Variants in MAP2K5 observed in about 807,000 individuals in gnomAD.
The protein encoded by MAP2K5 is dual specificity mitogen-activated protein kinase kinase 5.
MAP2K5 carries 49 observed loss-of-function variants against 83.1 expected under a neutral mutation model. The ratio of observed to expected loss-of-function variants is 0.59; its 90% confidence interval spans 0.47 to 0.75. The LOEUF is 0.75. Ranked by LOEUF, MAP2K5 falls within the 30% of genes least tolerant of loss-of-function variation. The pLI, the probability that MAP2K5 is intolerant of heterozygous loss-of-function variation, is 0.00. For missense variants in MAP2K5, 457 were observed against 557.5 expected, an observed-to-expected ratio of 0.82 and a Z score of 1.82; for synonymous variants, 202 against 191.8, an observed-to-expected ratio of 1.05 and a Z score of -0.44.
At position 67,717,444 on chromosome 15, in the gene MAP2K5, T is replaced by C. The variant is rs2088853611; in HGVS notation, c.1045-10472T>C. Among the ~76,000 whole-genome samples, 1 of 152,238 alleles carries C rather than the reference T, an allele frequency of 6.6e-6. No individual in the cohort carries two copies. The highest frequency in any genetic ancestry group is 1.5e-5 in the Non-Finnish European group (1 of 68,040). On this transcript the variant is annotated intron_variant, in intron 16 of 21. Transcript: ENST00000178640. This position sits in a 1 kb window ranked among gnomAD's most constrained non-coding sequence, Gnocchi z 4.1. ...TACATACTTTGCCCTCAGTGACTCC[T>C]TGACTAATAGGTAGAAAGAAAAGTA...
At chr15:67,581,293 T>C (rs2085175810) in intron 4 of MAP2K5, among the ~76,000 whole-genome samples, 1 of 152,242 alleles carries the variant, frequency 6.6e-6, no homozygotes, top group African/African-American at 2.4e-5. Context: ...TTCTAAATAA[T>C]TGAAATTCTT....
At chr15:67,654,754 G>A (rs188010712) in intron 11 of MAP2K5, among the ~76,000 whole-genome samples, 96 of 152,168 alleles carry the variant, frequency 6.3e-4, no homozygotes, top group African/African-American at 2.2e-3. Context: ...GATTAACACT[G>A]ACTTTATTTT....
At chr15:67,576,836 T>C (rs2085073250) in intron 3 of MAP2K5, among the ~76,000 whole-genome samples, 1 of 147,522 alleles carries the variant, frequency 6.8e-6, no homozygotes, top group Non-Finnish European at 1.5e-5. Context: ...TTTAAATTTC[T>C]TAACTAATAA....
In MAP2K5 at chr15:67,785,134, G is replaced by A. The variant is rs570540351; in HGVS notation, c.1242+12382G>A. 5.1e-4 allele frequency among the ~76,000 whole-genome samples: 78 copies of A among 152,154 alleles called. No homozygotes were observed. Among genetic ancestry groups the A allele is most frequent in the Non-Finnish European group, 8.8e-4 (60 of 68,000 alleles). ...TAATTTTTGTATTTTCAGTAGAGAC[G>A]GGGTTTCCCCATGTTGCCCAGGCTG... On this transcript the variant is annotated intron_variant, in intron 21 of 21. Coordinates refer to ENST00000178640, the MANE Select transcript of MAP2K5 (RefSeq NM_145160.3). The surrounding 1 kb of genome is among the most constrained non-coding windows in gnomAD (Gnocchi z 4.4).
intron 12 of MAP2K5, 81 bp from the exon 13 acceptor site, chr15:67,664,516 T>A (rs1822293402): frequency 3.5e-6 from 3 of 865,150 alleles, no homozygotes; most frequent in Admixed American, 2.3e-5. Context: ...AAAAAAAAAA[T>A]GTTGAATGTA....
rs4238409 is a variant in MAP2K5, at chr15:67,757,638, C to T, written c.1134+9037C>T. On this transcript the variant is annotated intron_variant, in intron 19 of 21. Coordinates refer to ENST00000178640, the MANE Select transcript of MAP2K5 (RefSeq NM_145160.3). The surrounding 1 kb of genome is among the most constrained non-coding windows in gnomAD (Gnocchi z 4.9). ...CTTTCCACCATTAAAGAGCAGCTAC[C>T]CTAGTCAGGGAGGCAGACAAGTAAA... Among the ~76,000 whole-genome samples the T allele has an allele frequency of 0.89, 135,290 of 152,124 alleles. 60,244 individuals are homozygous for T. The highest frequency in any genetic ancestry group is 0.92 in the Middle Eastern group (271 of 294).
chr15:67,755,680 TGCCA>T lies in MAP2K5; in HGVS notation c.1134+7085_1134+7088del, dbSNP rs1343476984. Among the ~76,000 whole-genome samples the T allele has an allele frequency of 6.6e-6, 1 of 152,240 alleles. No homozygotes were observed. Among genetic ancestry groups the T allele is most frequent in the Non-Finnish European group, 1.5e-5 (1 of 68,036 alleles). On this transcript the variant is annotated intron_variant, in intron 19 of 21. Transcript: ENST00000178640. The surrounding 1 kb of genome is among the most constrained non-coding windows in gnomAD (Gnocchi z 4.7). ...TAGTACCACCATAATGATGTGCATA[TGCCA>T]GCCAGACAGATAAGTAAACAGTAGA...
In MAP2K5 at chr15:67,677,358, G is replaced by T. The variant is rs1345669868; in HGVS notation, c.847+12713G>T. On this transcript the variant is annotated intron_variant, in intron 13 of 21. Coordinates refer to ENST00000178640, the MANE Select transcript of MAP2K5 (RefSeq NM_145160.3). This position sits in a 1 kb window ranked among gnomAD's most constrained non-coding sequence, Gnocchi z 4.2. ...GTTAATAATAGTACCTATCTCAAGG[G>T]TTACAATGAGAATTAAATGAGGTAA... Among the ~76,000 whole-genome samples, 1 of 152,116 alleles carries T rather than the reference G, an allele frequency of 6.6e-6. No individual in the cohort carries two copies. Among genetic ancestry groups the T allele is most frequent in the African/African-American group, 2.4e-5 (1 of 41,410 alleles).
chr15:67,744,469 C>G (rs2089560491), intron 17 of MAP2K5, among the ~76,000 whole-genome samples: 2 of 152,174 alleles, frequency 1.3e-5, no homozygotes, highest in Non-Finnish European at 2.9e-5. Context: ...AAGATCTGAC[C>G]TAGGTCACAC....
intron 17 of MAP2K5, among the ~76,000 whole-genome samples, chr15:67,729,721 G>A (rs1037624278): frequency 2.6e-5 from 4 of 152,032 alleles, no homozygotes; most frequent in East Asian, 1.9e-4. Context: ...CCGAGATCAC[G>A]CCACTGCACT....
At chr15:67,586,363 G>A (rs933503069) in intron 5 of MAP2K5, among the ~76,000 whole-genome samples, 3 of 152,014 alleles carry the variant, frequency 2.0e-5, no homozygotes, top group African/African-American at 7.2e-5. Flanking sequence ...TCTGTTTAGG[G>A]CTTCACATCT....
intron 9 of MAP2K5, among the ~76,000 whole-genome samples, chr15:67,635,112 A>G (rs542644956): frequency 1.3e-5 from 2 of 150,942 alleles, no homozygotes; most frequent in South Asian, 4.2e-4. Flanking sequence ...CCTTTGTTTT[A>G]TTATCATCCA....
intron 6 of MAP2K5, chr15:67,588,017 C>G (rs2085323612): frequency 1.2e-6 from 1 of 843,020 alleles, no homozygotes; most frequent in Non-Finnish European, 1.4e-6. Context: ...AGCCCCTCCT[C>G]CACCCTGCAG....
At position 67,733,978 on chromosome 15, in the gene MAP2K5, A is replaced by G. The variant is rs147790785; in HGVS notation, c.1074+6033A>G. On this transcript the variant is annotated intron_variant, in intron 17 of 21. Coordinates refer to ENST00000178640, the MANE Select transcript of MAP2K5 (RefSeq NM_145160.3). ...GGCATTTGCTTCAGAACCTCCTGCT[A>G]TTAACCAAGGAAATACGTTTTGCAA... is the stretch of plus-strand genomic sequence containing the variant. Among the ~76,000 whole-genome samples, 13 of 152,338 alleles carry G rather than the reference A, an allele frequency of 8.5e-5. No homozygotes were observed. The East Asian group carries it at 1.3e-3, about 16-fold the overall frequency.
At position 67,602,618 on chromosome 15, in the gene MAP2K5, A is replaced by T. The variant is rs553884296; in HGVS notation, c.545+1869A>T. On this transcript the variant is annotated intron_variant, in intron 8 of 21. Transcript: ENST00000178640. The stretch of plus-strand genomic sequence containing the variant: ...ACGAGACATAATATTCTAGATGTTG[A>T]CATTTTAATCCTTTATTTTAAAACA... Among the ~76,000 whole-genome samples, 4 of 152,334 alleles carry T rather than the reference A, an allele frequency of 2.6e-5. No individual in the cohort carries two copies. The South Asian group carries it at 8.3e-4, about 32-fold the overall frequency.
At chr15:67,631,835 C>A (rs1596686427) in intron 9 of MAP2K5, among the ~76,000 whole-genome samples, 1 of 152,250 alleles carries the variant, frequency 6.6e-6, no homozygotes, top group East Asian at 1.9e-4. Context: ...GAACCCTTTG[C>A]TAATTAAGTC....
rs767029847 is a variant in MAP2K5, at chr15:67,677,569, G to T, written c.847+12924G>T. ...TATGCATATAATGTGGTATTCCTTT[G>T]TTTTCTTTCCTTTTTCCCCAAAAAT... On this transcript the variant is annotated intron_variant, in intron 13 of 21. Transcript: ENST00000178640. The surrounding 1 kb of genome is among the most constrained non-coding windows in gnomAD (Gnocchi z 4.2). 1.3e-5 allele frequency among the ~76,000 whole-genome samples: 2 copies of T among 152,160 alleles called. No individual in the cohort carries two copies. Among genetic ancestry groups the T allele is most frequent in the Non-Finnish European group, 2.9e-5 (2 of 68,016 alleles).
At position 67,635,471 on chromosome 15, in the gene MAP2K5, G is replaced by A. The variant is rs148504473; in HGVS notation, c.585+4544G>A. ...ATTACAGGTGTGAGTCACCGTGCCCGGCCTGGAAATATTTATCTTTTAAAG... is the reference window on the plus strand; with the variant it reads ...ATTACAGGTGTGAGTCACCGTGCCCAGCCTGGAAATATTTATCTTTTAAAG... On this transcript the variant is annotated intron_variant, in intron 9 of 21. Coordinates refer to ENST00000178640, the MANE Select transcript of MAP2K5 (RefSeq NM_145160.3). Among the ~76,000 whole-genome samples, 872 of 152,060 alleles carry A rather than the reference G, an allele frequency of 5.7e-3. 8 individuals are homozygous for A. Among genetic ancestry groups the A allele is most frequent in the African/African-American group, 0.019 (790 of 41,494 alleles).
chr15:67,643,209 G>A (rs2086752739), intron 9 of MAP2K5, among the ~76,000 whole-genome samples: 6 of 152,128 alleles, frequency 3.9e-5, no homozygotes, highest in Admixed American at 3.9e-4. Flanking sequence ...CTTTTTTAGA[G>A]TGAGAGATTC....
Sources: allele counts gnomAD v4.1 joint callset (sites outside exome capture counted in the v4.1 genomes callset), GRCh38; gene constraint gnomAD v4.1.1; non-coding constraint Gnocchi (gnomAD v3.1); transcripts MANE v1.5; gene names NCBI Gene and HGNC (gene_info 2026-07-23, HGNC 2026-07-21).